The following ZNF423 variants were observed in gnomAD, a reference collection of about 807,000 sequenced individuals.
ZNF423 encodes the protein zinc finger protein 423.
A neutral mutation model predicts 95.8 loss-of-function variants in ZNF423; 12 were observed. The ratio of observed to expected loss-of-function variants is 0.13; its 90% CI spans 0.08 to 0.20. The LOEUF (loss-of-function observed/expected upper bound fraction) is 0.20, where lower values mean the gene tolerates loss of function less well. ZNF423 is among the 10% of genes least tolerant of loss of function. ZNF423 has a pLI of 1.00. For missense variants in ZNF423, 1,316 were observed against 1,737.1 expected, an observed-to-expected ratio of 0.76 and a Z score of 4.31; for synonymous variants, 749 against 711.9, an observed-to-expected ratio of 1.05 and a Z score of -0.83.
At chr16:49,512,794 T>A (rs1007072604) in intron 7 of ZNF423, among the ~76,000 whole-genome samples, 1 of 152,186 alleles carries the variant, frequency 6.6e-6, no homozygotes, top group African/African-American at 2.4e-5. Flanking sequence ...ATACAACATC[T>A]GCAGTAGGAA....
chr16:49,588,604 TTC>T (rs1192246135), intron 5 of ZNF423, among the ~76,000 whole-genome samples: 1 of 152,224 alleles, frequency 6.6e-6, no homozygotes, highest in Non-Finnish European at 1.5e-5. Flanking sequence ...ATCCTCTACA[TTC>T]TCTTTCCCAT....
intron 3 of ZNF423, among the ~76,000 whole-genome samples, chr16:49,652,635 G>A (rs1009630525): frequency 5.3e-5 from 8 of 152,208 alleles, no homozygotes; most frequent in South Asian, 2.1e-4. Flanking sequence ...AAGCAACACC[G>A]CCAAGGGCCT....
chr16:49,772,062 C>T lies in ZNF423; in HGVS notation c.100+17425G>A, dbSNP rs563316846. Among the ~76,000 whole-genome samples the T allele has an allele frequency of 1.6e-3, 240 of 152,318 alleles. 2 individuals carry two copies. Among genetic ancestry groups the T allele is most frequent in the African/African-American group, 5.1e-3 (212 of 41,576 alleles). On this transcript the variant is annotated intron_variant, in intron 2 of 7. Transcript: ENST00000563137. ...ATCACACAGGTATAGAAGCTGGAAA[C>T]ATCCCACCCTGTGTCATCTGCAAGC... is the stretch of plus-strand genomic sequence containing the variant.
chr16:49,700,212 A>AG (rs58879382), intron 3 of ZNF423, among the ~76,000 whole-genome samples: 33,194 of 129,004 alleles, frequency 0.26, 4,516 homozygotes, highest in South Asian at 0.44. Flanking sequence ...AAAAAAAAAA[A>AG]AAAAACAAGA....
chr16:49,693,842 C>G (rs2151948347), intron 3 of ZNF423, among the ~76,000 whole-genome samples: 1 of 152,326 alleles, frequency 6.6e-6, no homozygotes, highest in Admixed American at 6.5e-5. Context: ...AGATGAACTC[C>G]TAAGGATCCG....
At chr16:49,499,737 T>C (rs1383287522) in intron 7 of ZNF423, among the ~76,000 whole-genome samples, 1 of 152,044 alleles carries the variant, frequency 6.6e-6, no homozygotes, top group Non-Finnish European at 1.5e-5. Context: ...AACTCTTCCC[T>C]CGCATGAAAA....
intron 1 of ZNF423, among the ~76,000 whole-genome samples, chr16:49,811,820 A>G (rs2034758359): frequency 1.4e-5 from 1 of 71,302 alleles, no homozygotes; most frequent in Non-Finnish European, 2.7e-5. Flanking sequence ...TCAGCCACCC[A>G]GCCTGGAACC....
At chr16:49,514,530 G>A (rs868712834) in intron 7 of ZNF423, among the ~76,000 whole-genome samples, 5 of 152,124 alleles carry the variant, frequency 3.3e-5, no homozygotes, top group Non-Finnish European at 5.9e-5. Context: ...CTGAGATCCC[G>A]CCCCTGTCTC....
At chr16:49,770,732 C>G (rs535195493) in intron 2 of ZNF423, among the ~76,000 whole-genome samples, 2 of 152,152 alleles carry the variant, frequency 1.3e-5, no homozygotes, top group Middle Eastern at 3.2e-3. Flanking sequence ...GGACAAAGTG[C>G]GGGCCTACAA....
intron 5 of ZNF423, among the ~76,000 whole-genome samples, chr16:49,527,586 C>T (rs919824888): frequency 2.6e-5 from 4 of 152,034 alleles, no homozygotes; most frequent in African/African-American, 7.3e-5. Context: ...GAGGACACCC[C>T]GTGGACATTA....
At chr16:49,539,798 T>C (rs1164034804) in intron 5 of ZNF423, among the ~76,000 whole-genome samples, 2 of 144,798 alleles carry the variant, frequency 1.4e-5, no homozygotes, top group Non-Finnish European at 3.1e-5. Flanking sequence ...CCAGAAATCC[T>C]AAAAAAAAAA....
At chr16:49,641,809 G>A (rs1263481566) in intron 3 of ZNF423, among the ~76,000 whole-genome samples, 1 of 152,216 alleles carries the variant, frequency 6.6e-6, no homozygotes, top group South Asian at 2.1e-4. Flanking sequence ...AGGCGCATCT[G>A]AGACAGAAGG....
At chr16:49,771,447 C>G (rs1201684259) in intron 2 of ZNF423, among the ~76,000 whole-genome samples, 5 of 152,166 alleles carry the variant, frequency 3.3e-5, no homozygotes. Flanking sequence ...TCAAGTGATC[C>G]TCCTGCCTCA....
chr16:49,708,845 G>A (rs2032446844), intron 3 of ZNF423, among the ~76,000 whole-genome samples: 1 of 152,160 alleles, frequency 6.6e-6, no homozygotes, highest in Admixed American at 6.5e-5. Context: ...TCCTGCTTCA[G>A]CACAGGGCAT....
intron 3 of ZNF423, among the ~76,000 whole-genome samples, chr16:49,673,282 G>C (rs1454419979): frequency 6.6e-6 from 1 of 152,182 alleles, no homozygotes; most frequent in South Asian, 2.1e-4. Flanking sequence ...GGAGCCCCAC[G>C]ACTCCCCTGG....
At chr16:49,680,224 T>C (rs1221511273) in intron 3 of ZNF423, among the ~76,000 whole-genome samples, 1 of 152,226 alleles carries the variant, frequency 6.6e-6, no homozygotes, top group Non-Finnish European at 1.5e-5. Context: ...ACTGCAGGTG[T>C]CCTCTCAGCT....
At chr16:49,557,158 G>A (rs745875319) in intron 5 of ZNF423, among the ~76,000 whole-genome samples, 4 of 152,242 alleles carry the variant, frequency 2.6e-5, no homozygotes, top group South Asian at 2.1e-4. Context: ...TGACCAGGGC[G>A]TGCAGGGCGG....
In ZNF423 at chr16:49,552,190, C is replaced by T. The variant is rs140462578; in HGVS notation, c.3602-26696G>A. 7.9e-5 allele frequency among the ~76,000 whole-genome samples: 12 copies of T among 152,294 alleles called. No homozygotes were observed. In the East Asian group the frequency reaches 1.9e-3, roughly 25 times the overall value. ...GCACCAACTTATGTTAATGCTTGGC[C>T]CCCATAGACACAGAGTTGATGACCC... On this transcript the variant is annotated intron_variant, in intron 5 of 7. Coordinates refer to ENST00000563137, the MANE Select transcript of ZNF423 (RefSeq NM_001379286.1).
intron 3 of ZNF423, among the ~76,000 whole-genome samples, chr16:49,651,445 C>T (rs1016130891): frequency 1.3e-5 from 2 of 152,140 alleles, no homozygotes; most frequent in Non-Finnish European, 2.9e-5. Flanking sequence ...CCCTGCATGC[C>T]CAGCACCCCA....
Sources: allele counts gnomAD v4.1 joint callset (sites outside exome capture counted in the v4.1 genomes callset), GRCh38; gene constraint gnomAD v4.1.1; transcripts MANE v1.5; gene names NCBI Gene and HGNC (gene_info 2026-07-23, HGNC 2026-07-21).